Variants in SPAG16 observed in about 807,000 individuals in gnomAD.
The protein encoded by SPAG16 is sperm-associated antigen 16 protein.
SPAG16 carries 86 observed loss-of-function variants against 80.4 expected under a neutral mutation model. That is an observed-to-expected ratio of 1.07 (90% confidence interval 0.90 to 1.28). The LOEUF (loss-of-function observed/expected upper bound fraction) is 1.28, where lower values mean the gene tolerates loss of function less well. Among genes scored for constraint, SPAG16 ranks in the 50% most tolerant of loss-of-function variants. SPAG16 has a pLI of 0.00. For synonymous variants in SPAG16, 294 were observed against 265.9 expected (o/e 1.11, Z -1.03); for missense variants, 870 against 765.3 (o/e 1.14, Z -1.61).
At chr2:213,810,642 A>T (rs1383953743) in intron 10 of SPAG16, among the ~76,000 whole-genome samples, 1 of 152,156 alleles carries the variant, frequency 6.6e-6, no homozygotes, top group Non-Finnish European at 1.5e-5. Context: ...GAGGGAAGGA[A>T]GTCAATACAG....
At chr2:214,000,475 A>G (rs1419783580) in intron 12 of SPAG16, among the ~76,000 whole-genome samples, 1 of 152,138 alleles carries the variant, frequency 6.6e-6, no homozygotes, top group Non-Finnish European at 1.5e-5. Context: ...CTAATATAGG[A>G]AGTAATGGTG....
chr2:213,317,174 G>T, intron 4 of SPAG16, 45 bp from the exon 5 acceptor site: 1 of 1,285,610 alleles, frequency 7.8e-7, no homozygotes, highest in Non-Finnish European at 1.1e-6. Context: ...AAGCCAATTT[G>T]GCAGAAAGAA....
At chr2:213,606,681 G>T (rs2061273047) in intron 10 of SPAG16, among the ~76,000 whole-genome samples, 1 of 151,930 alleles carries the variant, frequency 6.6e-6, no homozygotes, top group Non-Finnish European at 1.5e-5. Context: ...CTTATCTTTA[G>T]CCTGGATTTT....
chr2:213,678,784 C>T (rs559349519), intron 10 of SPAG16, among the ~76,000 whole-genome samples: 50 of 152,232 alleles, frequency 3.3e-4, no homozygotes, highest in Non-Finnish European at 5.1e-4. Context: ...AAAGGTTGTA[C>T]GCAGGCAGCA....
chr2:213,407,883 C>CAG lies in SPAG16; in HGVS notation c.942+32776_942+32777dup, dbSNP rs553543094. Among the ~76,000 whole-genome samples the CAG allele has an allele frequency of 9.3e-3, 441 of 47,204 alleles. 18 individuals carry two copies. Among genetic ancestry groups the CAG allele is most frequent in the Non-Finnish European group, 0.015 (289 of 18,764 alleles). The allele number at this position is 47,204 out of a possible 152,430, so 31.0% of individuals were successfully genotyped here. A position where few individuals can be genotyped will look rare whatever the true frequency, so the allele number is the denominator to read the frequency against. ...AGAGAGACAGGAGAGAGGAGAGAGG[C>CAG]AGAGAGAGAGAGACAGGAGAGAGGC... On this transcript the variant is annotated intron_variant, in intron 9 of 15. Coordinates refer to ENST00000331683, the MANE Select transcript of SPAG16 (RefSeq NM_024532.5).
At chr2:214,184,717 T>G (rs1394677278) in intron 15 of SPAG16, among the ~76,000 whole-genome samples, 2 of 152,154 alleles carry the variant, frequency 1.3e-5, no homozygotes, top group South Asian at 2.1e-4. Context: ...AGCACATGGC[T>G]GACTGATCTC....
At chr2:214,217,631 A>G (rs1168585714) in intron 15 of SPAG16, among the ~76,000 whole-genome samples, 1 of 152,244 alleles carries the variant, frequency 6.6e-6, no homozygotes, top group Non-Finnish European at 1.5e-5. Context: ...TAGGCTATAC[A>G]CACTTTCCAC....
intron 10 of SPAG16, among the ~76,000 whole-genome samples, chr2:213,544,037 A>G (rs1333189260): frequency 6.6e-6 from 1 of 151,716 alleles, no homozygotes; most frequent in East Asian, 1.9e-4. Flanking sequence ...GTAGCTTCCC[A>G]TATTTTTCTT....
chr2:213,618,964 A>G (rs1252862592), intron 10 of SPAG16, among the ~76,000 whole-genome samples: 1 of 152,182 alleles, frequency 6.6e-6, no homozygotes, highest in African/African-American at 2.4e-5. Context: ...TGGCTCATTC[A>G]TTAACAAAGT....
chr2:213,701,102 T>C (rs893325827), intron 10 of SPAG16, among the ~76,000 whole-genome samples: 1 of 152,092 alleles, frequency 6.6e-6, no homozygotes, highest in Admixed American at 6.5e-5. Flanking sequence ...TAGCTAGGCA[T>C]GGTGGCACCT....
At chr2:214,182,164 G>A (rs957533128) in intron 15 of SPAG16, among the ~76,000 whole-genome samples, 11 of 151,296 alleles carry the variant, frequency 7.3e-5, no homozygotes, top group South Asian at 6.2e-4. Context: ...TATTGTACAT[G>A]TATATATATA....
At chr2:213,792,586 T>C (rs1482124589) in intron 10 of SPAG16, among the ~76,000 whole-genome samples, 1 of 144,504 alleles carries the variant, frequency 6.9e-6, no homozygotes, top group African/African-American at 2.6e-5. Context: ...CTTTTTTTTT[T>C]TTTTTTTTTT....
chr2:214,211,190 A>G (rs570859392), intron 15 of SPAG16, among the ~76,000 whole-genome samples: 1 of 152,284 alleles, frequency 6.6e-6, no homozygotes, highest in South Asian at 2.1e-4. Context: ...CTACATTTGA[A>G]TGTATTAGTC....
At chr2:213,614,135 G>GT (rs2061522233) in intron 10 of SPAG16, among the ~76,000 whole-genome samples, 1 of 152,188 alleles carries the variant, frequency 6.6e-6, no homozygotes, top group Non-Finnish European at 1.5e-5. Flanking sequence ...TGGCTGGGGT[G>GT]TGTGTATGTA....
intron 10 of SPAG16, among the ~76,000 whole-genome samples, chr2:213,796,643 C>A (rs896539289): frequency 3.3e-5 from 5 of 152,170 alleles, no homozygotes; most frequent in African/African-American, 1.2e-4. Context: ...AGTTGTAGCA[C>A]AATGCATTAC....
intron 10 of SPAG16, among the ~76,000 whole-genome samples, chr2:213,519,935 A>G (rs2075593468): frequency 6.6e-6 from 1 of 152,208 alleles, no homozygotes; most frequent in Non-Finnish European, 1.5e-5. Flanking sequence ...ATTTTGGATT[A>G]GCATGAGCCC....
intron 15 of SPAG16, among the ~76,000 whole-genome samples, chr2:214,237,320 C>T (rs531825836): frequency 6.6e-6 from 1 of 150,704 alleles, no homozygotes; most frequent in Admixed American, 6.6e-5. Context: ...GACCATGAAA[C>T]ATTAAAAAAA....
chr2:213,662,341 A>G (rs1279730034), intron 10 of SPAG16, among the ~76,000 whole-genome samples: 1 of 152,212 alleles, frequency 6.6e-6, no homozygotes, highest in African/African-American at 2.4e-5. Context: ...ATTCATGGAA[A>G]GTGAACACAG....
At chr2:213,611,050 G>T (rs544698663) in intron 10 of SPAG16, among the ~76,000 whole-genome samples, 2 of 152,200 alleles carry the variant, frequency 1.3e-5, no homozygotes, top group Admixed American at 6.5e-5. Context: ...CATTGTCCTA[G>T]CTCCCACTCA....
Sources: gnomAD v4.1 joint callset for allele counts (sites outside exome capture counted in the v4.1 genomes callset) on GRCh38, gnomAD v4.1.1 for gene constraint, MANE v1.5 for transcripts, NCBI Gene and HGNC (gene_info 2026-07-23, HGNC 2026-07-21) for gene names.